SRFBP1: variants seen among roughly 807,000 people sequenced by gnomAD.
The protein encoded by SRFBP1 is serum response factor binding protein 1.
A neutral mutation model predicts 45.5 loss-of-function variants in SRFBP1; 47 were observed. That is an observed-to-expected ratio of 1.03 (90% confidence interval 0.82 to 1.32). SRFBP1 has a LOEUF of 1.32. SRFBP1 is among the 40% of genes most tolerant of loss of function. The pLI, the probability that SRFBP1 is intolerant of heterozygous loss-of-function variation, is 0.00. For missense variants in SRFBP1, 621 were observed against 484.6 expected (o/e 1.28, Z -2.64); for synonymous variants, 203 against 166.3 (o/e 1.22, Z -1.70).
At chr5:122,071,193 ATGTGTGTGTGTGTGTGTG>A (rs35544795) in intron 2 of SRFBP1, among the ~76,000 whole-genome samples, 1 of 149,932 alleles carries the variant, frequency 6.7e-6, no homozygotes, top group African/African-American at 2.4e-5. Context: ...AAACATTTAT[ATGTGTGTGTGTGTGTGTG>A]TGTGTGTGTA....
chr5:122,027,207 C>A lies in SRFBP1; in HGVS notation c.*81C>A. 1 of 1,168,032 alleles carries A rather than the reference C, an allele frequency of 8.6e-7. No individual in the cohort carries two copies. Among genetic ancestry groups the A allele is most frequent in the Non-Finnish European group, 1.2e-6 (1 of 831,570 alleles). The allele number at this position is 1,168,032 out of a possible 1,614,324, so 72.4% of individuals were successfully genotyped here. A position where few individuals can be genotyped will look rare whatever the true frequency, so the allele number is the denominator to read the frequency against. ...ACAGGATCTCATTCTGTTGCCCAGA[C>A]TAGAGTACAATATTGCAATCACAGC... On this transcript the variant is annotated 3_prime_UTR_variant, in exon 8 of 8. Transcript: ENST00000339397.
intron 2 of SRFBP1, among the ~76,000 whole-genome samples, chr5:122,036,372 G>A (rs931861470): frequency 6.6e-6 from 1 of 152,082 alleles, no homozygotes; most frequent in Non-Finnish European, 1.5e-5. Context: ...GATCAGGTGA[G>A]CATCCTAGTT....
Position 122,075,442 on chromosome 5 carries a change from G to A in SRFBP1, n.439G>A, listed in dbSNP as rs370861938. On this transcript the variant is annotated non_coding_transcript_exon_variant, in exon 3 of 3. Coordinates refer to the SRFBP1 transcript ENST00000504881. ...GCCATTCCCAGGAATATCTTGGTCG[G>A]CTGGGTAAGAAATCTGATGTCCCTT... The A allele has an allele frequency of 6.0e-5, 97 of 1,613,512 alleles. No individual in the cohort carries two copies. The highest frequency in any genetic ancestry group is 7.0e-5 in the Non-Finnish European group (83 of 1,179,768).
chr5:122,009,797 T>C lies in SRFBP1; in HGVS notation c.271-9463T>C, dbSNP rs574901852. ...TGTTCTGCAGTAATGGCAAGGATAATTCCCATAATCTCTCAAGGGAAAATA... is the reference window on the plus strand; with the variant it reads ...TGTTCTGCAGTAATGGCAAGGATAACTCCCATAATCTCTCAAGGGAAAATA... On this transcript the variant is annotated intron_variant, in intron 4 of 7. Coordinates refer to ENST00000339397, the MANE Select transcript of SRFBP1 (RefSeq NM_152546.3). Among the ~76,000 whole-genome samples the C allele has an allele frequency of 2.0e-5, 3 of 150,378 alleles. No individual in the cohort carries two copies. The South Asian group carries it at 6.3e-4, about 32-fold the overall frequency.
At chr5:122,040,637 G>A (rs774032422) in intron 2 of SRFBP1, among the ~76,000 whole-genome samples, 9 of 152,124 alleles carry the variant, frequency 5.9e-5, no homozygotes, top group Non-Finnish European at 1.0e-4. Flanking sequence ...AATTTAGCTC[G>A]TATTTGAAAT....
chr5:122,052,804 T>G (rs561250379), intron 2 of SRFBP1, among the ~76,000 whole-genome samples: 2 of 152,216 alleles, frequency 1.3e-5, no homozygotes, highest in Admixed American at 1.3e-4. Context: ...GTGCAGTCAT[T>G]TGGAGGAAAG....
chr5:121,970,670 C>T (rs954521890), intron 1 of SRFBP1, among the ~76,000 whole-genome samples: 4 of 151,824 alleles, frequency 2.6e-5, no homozygotes, highest in African/African-American at 4.8e-5. Context: ...AACCTGATTA[C>T]TGTGCATTTT....
At chr5:121,977,249 T>C (rs977124615) in intron 3 of SRFBP1, among the ~76,000 whole-genome samples, 1 of 152,024 alleles carries the variant, frequency 6.6e-6, no homozygotes, top group African/African-American at 2.4e-5. Context: ...GAAAGCCAAA[T>C]TCATAGCCTA....
chr5:121,990,638 A>T (rs1322201213), intron 3 of SRFBP1, among the ~76,000 whole-genome samples: 2 of 152,210 alleles, frequency 1.3e-5, no homozygotes, highest in South Asian at 4.1e-4. Flanking sequence ...TCTGTTCAAC[A>T]TGTGTCATTG....
chr5:122,016,318 A>G (rs1374221106), intron 4 of SRFBP1, among the ~76,000 whole-genome samples: 1 of 150,014 alleles, frequency 6.7e-6, no homozygotes, highest in African/African-American at 2.5e-5. Flanking sequence ...TTGGACAGAA[A>G]TGTACAAGGA....
At chr5:122,055,177 A>G (rs1754057993) in intron 2 of SRFBP1, among the ~76,000 whole-genome samples, 1 of 152,202 alleles carries the variant, frequency 6.6e-6, no homozygotes, top group Admixed American at 6.5e-5. Context: ...GTAAGGGCCC[A>G]GTCCTCACTC....
At chr5:122,001,076 T>C (rs1752855730) in intron 4 of SRFBP1, among the ~76,000 whole-genome samples, 1 of 152,088 alleles carries the variant, frequency 6.6e-6, no homozygotes, top group Non-Finnish European at 1.5e-5. Context: ...CTTAAGTTTT[T>C]CTCTTTTTTC....
chr5:121,993,757 T>C (rs879560761), intron 3 of SRFBP1, among the ~76,000 whole-genome samples: 7 of 152,150 alleles, frequency 4.6e-5, no homozygotes, highest in Admixed American at 2.0e-4. Flanking sequence ...TAGCATTTTC[T>C]TATTGTTAGA....
intron 3 of SRFBP1, among the ~76,000 whole-genome samples, chr5:121,979,028 T>G (rs930856067): frequency 6.6e-6 from 1 of 152,206 alleles, no homozygotes; most frequent in Non-Finnish European, 1.5e-5. Context: ...TTAGGATCAC[T>G]TCATCTCAGG....
intron 3 of SRFBP1, among the ~76,000 whole-genome samples, chr5:121,989,401 G>A (rs528890502): frequency 3.3e-5 from 5 of 152,034 alleles, no homozygotes; most frequent in South Asian, 4.2e-4. Flanking sequence ...GCTAAGTGTC[G>A]CTGTCTGATT....
intron 3 of SRFBP1, among the ~76,000 whole-genome samples, chr5:121,989,101 A>C (rs116719711): frequency 1.3e-5 from 2 of 151,918 alleles, no homozygotes; most frequent in South Asian, 2.1e-4. Context: ...GTCTAGCTCT[A>C]TTGCCAGGCT....
chr5:122,069,989 AATGTTTGGC>A (rs761996904), intron 2 of SRFBP1: 9 of 1,129,206 alleles, frequency 8.0e-6, no homozygotes, highest in East Asian at 7.0e-5. Flanking sequence ...TTCTATGTAT[AATGTTTGGC>A]ATGAACAAAA....
At chr5:121,969,696 T>A (rs1446344554) in intron 1 of SRFBP1, among the ~76,000 whole-genome samples, 1 of 152,136 alleles carries the variant, frequency 6.6e-6, no homozygotes. Flanking sequence ...CTTAATTCTT[T>A]TTCTTCAGAC....
Position 122,002,462 on chromosome 5 carries a change from A to T in SRFBP1, c.270+7792A>T, listed in dbSNP as rs934219379. 9.2e-5 allele frequency among the ~76,000 whole-genome samples: 14 copies of T among 152,334 alleles called. No homozygotes were observed. The South Asian group carries it at 2.9e-3, about 32-fold the overall frequency. On this transcript the variant is annotated intron_variant, in intron 4 of 7. Transcript: ENST00000339397. ...TTTTAAATATAGTATAACTTCAAAA[A>T]CTGAATTCTTACCAATGACTTTTAT...
Sources: gnomAD v4.1 joint callset for allele counts (sites outside exome capture counted in the v4.1 genomes callset) on GRCh38, gnomAD v4.1.1 for gene constraint, MANE v1.5 for transcripts, NCBI Gene and HGNC (gene_info 2026-07-23, HGNC 2026-07-21) for gene names.